The following VWC2 variants were observed in gnomAD, a reference collection of about 807,000 sequenced individuals.
VWC2 encodes brorin.
In VWC2, 14 loss-of-function variants were observed where a neutral mutation model predicts 29.8. The ratio of observed to expected loss-of-function variants is 0.47; its 90% CI spans 0.31 to 0.74. VWC2 has a LOEUF of 0.74. VWC2 is among the 30% of genes least tolerant of loss of function. The probability of loss-of-function intolerance (pLI) is 0.05; values close to 1 mark genes in which losing one functional copy is unlikely to be tolerated. For missense variants in VWC2, 457 were observed against 459.8 expected (o/e 0.99, Z 0.05); for synonymous variants, 213 against 199.0 (o/e 1.07, Z -0.59).
intron 3 of VWC2, among the ~76,000 whole-genome samples, chr7:49,812,261 T>C (rs1789030852): frequency 2.0e-5 from 3 of 152,354 alleles, no homozygotes; most frequent in Admixed American, 6.5e-5. Flanking sequence ...TTCACTAAAA[T>C]TCATTAAATT....
intron 3 of VWC2, among the ~76,000 whole-genome samples, chr7:49,861,271 G>A: frequency 6.6e-6 from 1 of 152,110 alleles, no homozygotes; most frequent in East Asian, 1.9e-4. Flanking sequence ...ATGACATTGG[G>A]CATTTTTTCA....
intron 3 of VWC2, among the ~76,000 whole-genome samples, chr7:49,855,669 C>T (rs1790387940): frequency 6.6e-6 from 1 of 152,116 alleles, no homozygotes; most frequent in East Asian, 1.9e-4. Context: ...TTTCTGGGGG[C>T]CTTGTGGTGG....
At chr7:49,786,797 G>A (rs569852644) in intron 2 of VWC2, among the ~76,000 whole-genome samples, 1 of 152,258 alleles carries the variant, frequency 6.6e-6, no homozygotes, top group Admixed American at 6.5e-5. Flanking sequence ...AGAAGTGTCT[G>A]TTCATGTCTC....
intron 3 of VWC2, among the ~76,000 whole-genome samples, chr7:49,829,433 T>C (rs1789475191): frequency 6.6e-6 from 1 of 152,192 alleles, no homozygotes; most frequent in South Asian, 2.1e-4. Context: ...CTCCTCTGTG[T>C]CCCATGGAGT....
chr7:49,845,058 C>T (rs1302865338), intron 3 of VWC2, among the ~76,000 whole-genome samples: 1 of 152,060 alleles, frequency 6.6e-6, no homozygotes, highest in Non-Finnish European at 1.5e-5. Context: ...AATGTTCTCA[C>T]TTATAAATGG....
chr7:49,825,166 T>C (rs1388110197), intron 3 of VWC2, among the ~76,000 whole-genome samples: 1 of 152,186 alleles, frequency 6.6e-6, no homozygotes, highest in African/African-American at 2.4e-5. Flanking sequence ...TCATTTCAGT[T>C]ATTGTACTTT....
At chr7:49,891,205 G>A (rs1173160206) in intron 3 of VWC2, among the ~76,000 whole-genome samples, 1 of 152,124 alleles carries the variant, frequency 6.6e-6, no homozygotes, top group Admixed American at 6.5e-5. Context: ...AAAAAATGCA[G>A]TTAGCAGAAC....
At chr7:49,834,061 G>A (rs573946056) in intron 3 of VWC2, among the ~76,000 whole-genome samples, 37 of 152,256 alleles carry the variant, frequency 2.4e-4, no homozygotes, top group African/African-American at 7.2e-4. Flanking sequence ...CATGGGAAGC[G>A]TATTGGCTGA....
At chr7:49,904,322 T>C (rs1792960614) in intron 3 of VWC2, among the ~76,000 whole-genome samples, 1 of 152,230 alleles carries the variant, frequency 6.6e-6, no homozygotes, top group South Asian at 2.1e-4. Flanking sequence ...TCTATAATCA[T>C]GTAAGCTGTA....
At chr7:49,862,986 G>A (rs1790719793) in intron 3 of VWC2, among the ~76,000 whole-genome samples, 1 of 152,110 alleles carries the variant, frequency 6.6e-6, no homozygotes, top group Non-Finnish European at 1.5e-5. Context: ...CTTACAGTGA[G>A]GTAGGATGTA....
intron 3 of VWC2, among the ~76,000 whole-genome samples, chr7:49,882,581 A>G (rs1791715490): frequency 6.6e-6 from 1 of 152,060 alleles, no homozygotes; most frequent in African/African-American, 2.4e-5. Context: ...ACAAAGAGAG[A>G]TAAGGAGAGA....
Position 49,776,008 on chromosome 7 carries a change from G to T in VWC2, c.573G>T (p.Glu191Asp), listed in dbSNP as rs781333136. ...TEEGPLCAQP[E>D]CPRLHPRCIH... Reference sequence around the variant, plus strand: ...AGGGGCCGCTGTGCGCGCAGCCCGAGTGCCCGAGGCTGCACCCGCGCTGCA... The same window carrying T: ...AGGGGCCGCTGTGCGCGCAGCCCGATTGCCCGAGGCTGCACCCGCGCTGCA... Residue 191 changes from glutamate (E) to aspartate (D), a missense_variant, in exon 2 of 4, where the codon GAG becomes GAT. This residue lies in a region of VWC2 where 185 missense variants were observed against 257.1 expected (regional missense o/e 0.72). Coordinates refer to ENST00000340652, the MANE Select transcript of VWC2 (RefSeq NM_198570.5). The T allele has an allele frequency of 6.5e-7, 1 of 1,544,830 alleles. No individual in the cohort carries two copies. The highest frequency in any genetic ancestry group is 1.2e-5 in the South Asian group (1 of 84,260).
Position 49,915,846 on chromosome 7 carries a change from A to G in VWC2, c.*3661A>G, listed in dbSNP as rs952397508. On this transcript the variant is annotated 3_prime_UTR_variant, in exon 4 of 4. Transcript: ENST00000340652. ...AAGAGTATCAGATGTACAAATAAGC[A>G]TCATTGGTAAAAACATACATGCTTC... 2.6e-5 allele frequency: 4 copies of G among 152,218 alleles called. No homozygotes were observed. Among genetic ancestry groups the G allele is most frequent in the African/African-American group, 4.8e-5 (2 of 41,460 alleles). 9.4% of individuals were successfully genotyped at this position (152,218 alleles called of 1,614,324 possible).
In VWC2 at chr7:49,862,464, T is replaced by C. The variant is rs933441438; in HGVS notation, c.827-49570T>C. 9.2e-5 allele frequency among the ~76,000 whole-genome samples: 14 copies of C among 152,280 alleles called. No individual in the cohort carries two copies. The South Asian group carries it at 2.9e-3, about 32-fold the overall frequency. On this transcript the variant is annotated intron_variant, in intron 3 of 3. Transcript: ENST00000340652. ...TTCCAATTTGGATGCTTTTATTTTC[T>C]TTGCCTAGTTGTTCTGGCTAGAACT...
At chr7:49,896,849 G>A (rs557682763) in intron 3 of VWC2, among the ~76,000 whole-genome samples, 6 of 149,750 alleles carry the variant, frequency 4.0e-5, no homozygotes, top group Non-Finnish European at 5.9e-5. Flanking sequence ...GAAATAATTC[G>A]CTTGAGAACT....
intron 3 of VWC2, among the ~76,000 whole-genome samples, chr7:49,841,823 A>T (rs1334678466): frequency 1.3e-5 from 2 of 152,092 alleles, no homozygotes; most frequent in Non-Finnish European, 2.9e-5. Flanking sequence ...TGTTTATATT[A>T]TGCTTGATAG....
At chr7:49,786,060 T>A (rs534382585) in intron 2 of VWC2, among the ~76,000 whole-genome samples, 11 of 152,286 alleles carry the variant, frequency 7.2e-5, no homozygotes, top group African/African-American at 2.6e-4. Context: ...ATGCTGAGGT[T>A]TGGGATAAGA....
chr7:49,866,424 T>C (rs1790893238), intron 3 of VWC2, among the ~76,000 whole-genome samples: 1 of 152,198 alleles, frequency 6.6e-6, no homozygotes, highest in African/African-American at 2.4e-5. Flanking sequence ...CCTGTGGTGG[T>C]CTCAGGCTTG....
chr7:49,781,199 C>A (rs1246223590), intron 2 of VWC2, among the ~76,000 whole-genome samples: 2 of 152,020 alleles, frequency 1.3e-5, no homozygotes, highest in East Asian at 3.9e-4. Context: ...TTTGTAAATT[C>A]TCTACTTCTC....
Sources: gnomAD v4.1 joint callset for allele counts (sites outside exome capture counted in the v4.1 genomes callset) on GRCh38, gnomAD v4.1.1 for gene constraint, gnomAD v4.1.1 regional missense constraint, MANE v1.5 for transcripts, NCBI Gene and HGNC (gene_info 2026-07-23, HGNC 2026-07-21) for gene names.